The following CDIN1 variants were observed in gnomAD, a reference collection of about 807,000 sequenced individuals.
The protein encoded by CDIN1 is CDAN1-interacting nuclease 1.
A neutral mutation model predicts 45.3 loss-of-function variants in CDIN1; 33 were observed. The ratio of observed to expected loss-of-function variants is 0.73; its 90% CI spans 0.55 to 0.97. The LOEUF (loss-of-function observed/expected upper bound fraction) is 0.97. Among genes scored for constraint, CDIN1 ranks in the 50% least tolerant of loss-of-function variants. The pLI is 0.00. For synonymous variants in CDIN1, 118 were observed against 124.4 expected, an observed-to-expected ratio of 0.95 and a Z score of 0.34; for missense variants, 303 against 339.4, an observed-to-expected ratio of 0.89 and a Z score of 0.84.
chr15:36,657,476 T>C (rs541546077), intron 4 of CDIN1, among the ~76,000 whole-genome samples: 2 of 152,168 alleles, frequency 1.3e-5, no homozygotes, highest in East Asian at 1.9e-4. Context: ...GACAGTTGCA[T>C]AGAAAGAAGC....
At chr15:36,591,072 A>G (rs1312943237) in intron 1 of CDIN1, among the ~76,000 whole-genome samples, 1 of 152,222 alleles carries the variant, frequency 6.6e-6, no homozygotes, top group Non-Finnish European at 1.5e-5. Context: ...GTGGTTGGAC[A>G]TTCATGCCTG....
intron 10 of CDIN1, among the ~76,000 whole-genome samples, chr15:36,805,529 G>A (rs1353966036): frequency 6.6e-6 from 1 of 152,134 alleles, no homozygotes; most frequent in Admixed American, 6.5e-5. Flanking sequence ...AAGAGGAAAT[G>A]GTTCAACCCA....
At chr15:36,610,951 C>T (rs1488238184) in intron 1 of CDIN1, among the ~76,000 whole-genome samples, 1 of 152,184 alleles carries the variant, frequency 6.6e-6, no homozygotes, top group Admixed American at 6.5e-5. Context: ...AGCATCTGTT[C>T]TCACATGCCA....
At chr15:36,712,245 A>G (rs947508788) in intron 10 of CDIN1, among the ~76,000 whole-genome samples, 5 of 134,864 alleles carry the variant, frequency 3.7e-5, no homozygotes, top group Non-Finnish European at 6.3e-5. Context: ...TTCAATTACT[A>G]TTTATAGACT....
chr15:36,584,270 CA>C (rs900005022), intron 1 of CDIN1, among the ~76,000 whole-genome samples: 43 of 152,034 alleles, frequency 2.8e-4, no homozygotes, highest in African/African-American at 1.0e-3. Context: ...CCTGTCTCTT[CA>C]AAAAAATTTA....
Position 36,766,036 on chromosome 15 carries a change from C to G in CDIN1, c.717-42288C>G, listed in dbSNP as rs529423008. 3.3e-5 allele frequency among the ~76,000 whole-genome samples: 5 copies of G among 152,286 alleles called. No homozygotes were observed. The East Asian group carries it at 9.7e-4, about 29-fold the overall frequency. On this transcript the variant is annotated intron_variant, in intron 10 of 10. Transcript: ENST00000566621. ...ATTTATTCCTCTTGCATAACTGAAA[C>G]TTTATACCCATTGAACAGCGACTTC...
In CDIN1 at chr15:36,713,283, T is replaced by C. The variant is rs548104825; in HGVS notation, c.716+3322T>C. Among the ~76,000 whole-genome samples the C allele has an allele frequency of 2.3e-4, 35 of 152,286 alleles. 2 individuals are homozygous for C. The South Asian group carries it at 3.9e-3, about 17-fold the overall frequency. The stretch of plus-strand genomic sequence containing the variant: ...GACCAACAACCACTGATCAAGAACA[T>C]GGAAATTGCAACTGCAAGTTTCAGC... On this transcript the variant is annotated intron_variant, in intron 10 of 10. Transcript: ENST00000566621.
chr15:36,709,254 C>T lies in CDIN1; in HGVS notation c.576C>T (p.Asp192=), dbSNP rs764639885. ...DEDQLRAKGY[D]KTPDFILQVP... The stretch of plus-strand genomic sequence containing the variant: ...ATCAGCTTCGTGCAAAGGGTTATGA[C>T]AAAACACCAGACTTCATTTTACAAG... The change falls in exon 9 of 11, where the codon GAC becomes GAT. Residue 192 remains aspartate (D), a synonymous_variant. Transcript: ENST00000566621. 6.2e-7 allele frequency: 1 copy of T among 1,603,204 alleles called. No individual in the cohort carries two copies. The highest frequency in any genetic ancestry group is 1.7e-5 in the Admixed American group (1 of 59,176).
chr15:36,626,870 A>G (rs918386970), intron 1 of CDIN1: 4 of 206,402 alleles, frequency 1.9e-5, no homozygotes, highest in East Asian at 1.4e-4. Context: ...GCATGGGACA[A>G]TCTGGGCCAT....
At chr15:36,718,189 G>A (rs112442926) in intron 10 of CDIN1, among the ~76,000 whole-genome samples, 4 of 152,114 alleles carry the variant, frequency 2.6e-5, no homozygotes, top group Non-Finnish European at 5.9e-5. Context: ...TCATATACGT[G>A]TGGGCCTGTT....
rs186105567 is a variant in CDIN1, at chr15:36,637,421, T to C, written c.102-6857T>C. On this transcript the variant is annotated intron_variant, in intron 1 of 10. Transcript: ENST00000566621. ...CATCAACTGAAAAAACTTTTGTACT[T>C]CAAAAGGTACCACAAGGAAAATGAA... is the stretch of plus-strand genomic sequence containing the variant. 2.6e-5 allele frequency among the ~76,000 whole-genome samples: 4 copies of C among 152,218 alleles called. No individual in the cohort carries two copies. The East Asian group carries it at 7.7e-4, about 29-fold the overall frequency.
chr15:36,613,529 C>A, intron 1 of CDIN1: 1 of 1,533,372 alleles, frequency 6.5e-7, no homozygotes, highest in Non-Finnish European at 8.9e-7. Flanking sequence ...TGTGCAGCAG[C>A]AGGCAGATGA....
intron 10 of CDIN1, among the ~76,000 whole-genome samples, chr15:36,778,194 G>GCAC (rs1206421343): frequency 6.6e-6 from 1 of 152,060 alleles, no homozygotes; most frequent in African/African-American, 2.4e-5. Flanking sequence ...TGCCTCTCAC[G>GCAC]CACTGCTGTT....
intron 8 of CDIN1, chr15:36,702,225 T>C: frequency 1.5e-6 from 1 of 671,294 alleles, no homozygotes; most frequent in Non-Finnish European, 2.7e-6. Context: ...GTTTTTAGAG[T>C]AACAGGAACA....
At chr15:36,737,776 T>C (rs1384712409) in intron 10 of CDIN1, among the ~76,000 whole-genome samples, 1 of 152,228 alleles carries the variant, frequency 6.6e-6, no homozygotes. Flanking sequence ...GGGAAATGCC[T>C]GGAGCTGCTT....
chr15:36,716,730 C>T (rs546449509), intron 10 of CDIN1, among the ~76,000 whole-genome samples: 18 of 152,252 alleles, frequency 1.2e-4, no homozygotes, highest in Admixed American at 3.3e-4. Context: ...TTTACCGAGC[C>T]TCAACTTGCT....
At chr15:36,806,480 T>C (rs2055230464) in intron 10 of CDIN1, among the ~76,000 whole-genome samples, 1 of 152,198 alleles carries the variant, frequency 6.6e-6, no homozygotes. Context: ...CACAGTTTTT[T>C]TCTTCCTTTG....
Position 36,764,662 on chromosome 15 carries a change from C to T in CDIN1, c.717-43662C>T, listed in dbSNP as rs115713403. Among the ~76,000 whole-genome samples, 1,184 of 152,286 alleles carry T rather than the reference C, an allele frequency of 7.8e-3. 18 individuals are homozygous for T. Among genetic ancestry groups the T allele is most frequent in the African/African-American group, 0.027 (1,102 of 41,558 alleles). On this transcript the variant is annotated intron_variant, in intron 10 of 10. Coordinates refer to ENST00000566621, the MANE Select transcript of CDIN1 (RefSeq NM_001321759.2). The stretch of plus-strand genomic sequence containing the variant: ...CAACAGCTTAAATATCTGCAGCTGT[C>T]CCCTAATATCTGTTCTCCCCTTCTT...
intron 7 of CDIN1, among the ~76,000 whole-genome samples, chr15:36,694,226 G>A (rs542563263): frequency 6.6e-5 from 10 of 152,276 alleles, no homozygotes; most frequent in African/African-American, 2.4e-4. Context: ...TGAAGTAGTA[G>A]CAGTTTCATA....
Sources: gnomAD v4.1 joint callset for allele counts (sites outside exome capture counted in the v4.1 genomes callset) on GRCh38, gnomAD v4.1.1 for gene constraint, MANE v1.5 for transcripts, NCBI Gene and HGNC (gene_info 2026-07-23, HGNC 2026-07-21) for gene names.